Variants in FOXK1 observed in about 807,000 individuals in gnomAD.
FOXK1 encodes forkhead box protein K1.
FOXK1 carries 19 observed loss-of-function variants against 51.9 expected under a neutral mutation model. The ratio of observed to expected loss-of-function variants is 0.37; its 90% confidence interval spans 0.26 to 0.54. The LOEUF (loss-of-function observed/expected upper bound fraction) is 0.54, where lower values mean the gene tolerates loss of function less well. Ranked by LOEUF, FOXK1 falls within the 20% of genes least tolerant of loss-of-function variation. The pLI, the probability that FOXK1 is intolerant of heterozygous loss-of-function variation, is 0.87. For synonymous variants in FOXK1, 537 were observed against 482.6 expected, an observed-to-expected ratio of 1.11 and a Z score of -1.48; for missense variants, 870 against 1,032.7, an observed-to-expected ratio of 0.84 and a Z score of 2.16.
At chr7:4,689,558 C>G (rs1043419390) in intron 1 of FOXK1, among the ~76,000 whole-genome samples, 1 of 152,158 alleles carries the variant, frequency 6.6e-6, no homozygotes, top group African/African-American at 2.4e-5. Context: ...AACCTTGTTA[C>G]GACGTCGCAT....
At chr7:4,713,553 G>A (rs907001475) in intron 1 of FOXK1, among the ~76,000 whole-genome samples, 18 of 151,584 alleles carry the variant, frequency 1.2e-4, no homozygotes, top group African/African-American at 2.7e-4. Context: ...GTGCAGTGGC[G>A]CGATCTCGGC....
At chr7:4,702,691 G>A (rs1267389788) in intron 1 of FOXK1, among the ~76,000 whole-genome samples, 4 of 152,202 alleles carry the variant, frequency 2.6e-5, no homozygotes, top group African/African-American at 9.6e-5. Flanking sequence ...TTGCGTTAGT[G>A]GTGTCGTGAC....
chr7:4,715,682 G>A lies in FOXK1; in HGVS notation c.561-25156G>A, dbSNP rs1396586383. ...CTGTGACTGACTGGCAGGAACCTGG[G>A]CTTGTCAAGTCAGTCTGTAGTGCAC... On this transcript the variant is annotated intron_variant, in intron 1 of 8. Transcript: ENST00000328914. This position sits in a 1 kb window ranked among gnomAD's most constrained non-coding sequence, Gnocchi z 4.5. Among the ~76,000 whole-genome samples, 2 of 152,180 alleles carry A rather than the reference G, an allele frequency of 1.3e-5. No individual in the cohort carries two copies. The highest frequency in any genetic ancestry group is 1.3e-4 in the Admixed American group (2 of 15,280).
In FOXK1 at chr7:4,755,125, C is replaced by T; in HGVS notation, c.904-112C>T. On this transcript the variant is annotated intron_variant, in intron 3 of 8. Transcript: ENST00000328914. The surrounding 1 kb of genome is among the most constrained non-coding windows in gnomAD (Gnocchi z 6.6). Reference sequence around the variant, plus strand: ...TGGAGGGCACTGGGACGGGTGCCGGCAAGACGCGCACATTCTCGTGGGAAG... The same window carrying T: ...TGGAGGGCACTGGGACGGGTGCCGGTAAGACGCGCACATTCTCGTGGGAAG... The T allele has an allele frequency of 1.4e-6, 2 of 1,379,558 alleles. No homozygotes were observed. Among genetic ancestry groups the T allele is most frequent in the Non-Finnish European group, 2.0e-6 (2 of 1,014,470 alleles). 85.5% of individuals were successfully genotyped at this position (1,379,558 alleles called of 1,614,324 possible).
chr7:4,702,334 G>T (rs1780030766), intron 1 of FOXK1, among the ~76,000 whole-genome samples: 1 of 151,766 alleles, frequency 6.6e-6, no homozygotes. Context: ...GTTGTTTGTG[G>T]GGTTTTTTTA....
intron 2 of FOXK1, among the ~76,000 whole-genome samples, chr7:4,744,260 A>G (rs1186911183): frequency 1.3e-5 from 2 of 151,920 alleles, no homozygotes. Context: ...AATACTGTTT[A>G]TTTTTATTTT....
At chr7:4,716,998 C>CAT (rs1780242937) in intron 1 of FOXK1, among the ~76,000 whole-genome samples, 1 of 120,118 alleles carries the variant, frequency 8.3e-6, no homozygotes, top group Admixed American at 8.0e-5. Context: ...CTGGGAGGCG[C>CAT]GTGGCTGGAA....
Position 4,748,943 on chromosome 7 carries a change from C to T in FOXK1, c.747-5516C>T, listed in dbSNP as rs1226503186. Among the ~76,000 whole-genome samples the T allele has an allele frequency of 2.0e-5, 3 of 152,106 alleles. No individual in the cohort carries two copies. The highest frequency in any genetic ancestry group is 6.5e-5 in the Admixed American group (1 of 15,278). ...ATCTGCCCACCTCAGCCTCCCAAAG[C>T]GCTGGGATTACAGGTGTGAGCCACC... On this transcript the variant is annotated intron_variant, in intron 2 of 8. Transcript: ENST00000328914. This position sits in a 1 kb window ranked among gnomAD's most constrained non-coding sequence, Gnocchi z 4.9.
chr7:4,751,836 G>A (rs145003556), intron 2 of FOXK1, among the ~76,000 whole-genome samples: 1,822 of 152,340 alleles, frequency 0.012, 21 homozygotes, highest in Middle Eastern at 0.044. Context: ...GGAAAGTGGC[G>A]GAGAAACCAC....
intron 1 of FOXK1, among the ~76,000 whole-genome samples, chr7:4,721,946 A>C (rs919025861): frequency 6.6e-6 from 1 of 152,204 alleles, no homozygotes; most frequent in African/African-American, 2.4e-5. Context: ...CTCAAATGTA[A>C]ATGCATCCCT....
In FOXK1 at chr7:4,764,306, A is replaced by C. The variant is rs1443518863; in HGVS notation, c.*1842A>C. ...CCTTCCCGTGTCCCGTTGTTTTTCT[A>C]AGCCCCCCGAATTGAGTCGTTTCTA... On this transcript the variant is annotated 3_prime_UTR_variant, in exon 9 of 9. Coordinates refer to ENST00000328914, the MANE Select transcript of FOXK1 (RefSeq NM_001037165.2). The C allele has an allele frequency of 6.5e-6, 1 of 154,330 alleles. No individual in the cohort carries two copies. Among genetic ancestry groups the C allele is most frequent in the Admixed American group, 6.5e-5 (1 of 15,288 alleles). The allele number at this position is 154,330 out of a possible 1,614,324, so 9.6% of individuals were successfully genotyped here. A position where few individuals can be genotyped will look rare whatever the true frequency, so the allele number is the denominator to read the frequency against.
At chr7:4,727,397 C>A (rs914397910) in intron 1 of FOXK1, among the ~76,000 whole-genome samples, 1 of 152,122 alleles carries the variant, frequency 6.6e-6, no homozygotes, top group East Asian at 1.9e-4. Context: ...CTCATTGCAA[C>A]CTTCGCCTCC....
At chr7:4,684,494 G>A (rs1366331010) in intron 1 of FOXK1, among the ~76,000 whole-genome samples, 3 of 152,194 alleles carry the variant, frequency 2.0e-5, no homozygotes, top group African/African-American at 7.2e-5. Flanking sequence ...CGTGCTGAAA[G>A]GTGTGCATTT....
chr7:4,721,784 T>C (rs1232263585), intron 1 of FOXK1, among the ~76,000 whole-genome samples: 1 of 151,904 alleles, frequency 6.6e-6, no homozygotes, highest in African/African-American at 2.4e-5. Flanking sequence ...ATAGACAGAG[T>C]TTCACCGTAT....
At position 4,705,996 on chromosome 7, in the gene FOXK1, A is replaced by G. The variant is rs58744746; in HGVS notation, c.560+23128A>G. 2.5e-3 allele frequency among the ~76,000 whole-genome samples: 244 copies of G among 96,370 alleles called. 5 individuals are homozygous for G. The highest frequency in any genetic ancestry group is 4.8e-3 in the African/African-American group (51 of 10,528). 63.2% of individuals were successfully genotyped at this position (96,370 alleles called of 152,430 possible). A position where few individuals can be genotyped will look rare whatever the true frequency, so the allele number is the denominator to read the frequency against. On this transcript the variant is annotated intron_variant, in intron 1 of 8. Transcript: ENST00000328914. ...TACGTATATATACGTATATATACGT[A>G]TATATACGTATATATACGTATATAT...
At chr7:4,700,428 G>A (rs1034386669) in intron 1 of FOXK1, among the ~76,000 whole-genome samples, 1 of 152,178 alleles carries the variant, frequency 6.6e-6, no homozygotes, top group Non-Finnish European at 1.5e-5. Flanking sequence ...GATTGACCCC[G>A]AGCTCCTGTT....
In FOXK1 at chr7:4,765,190, G is replaced by T. The variant is rs1780994101; in HGVS notation, c.*2726G>T. 1 of 152,456 alleles carries T rather than the reference G, an allele frequency of 6.6e-6. No individual in the cohort carries two copies. Among genetic ancestry groups the T allele is most frequent in the Non-Finnish European group, 1.5e-5 (1 of 68,180 alleles). 9.4% of individuals were successfully genotyped at this position (152,456 alleles called of 1,614,324 possible). A position where few individuals can be genotyped will look rare whatever the true frequency, so the allele number is the denominator to read the frequency against. On this transcript the variant is annotated 3_prime_UTR_variant, in exon 9 of 9. Coordinates refer to ENST00000328914, the MANE Select transcript of FOXK1 (RefSeq NM_001037165.2). ...CACTGCTCTGGGCTCATAACCATGA[G>T]ATTTTGAAAGAGTTTTTGGTCATCT...
In FOXK1 at chr7:4,743,462, C is replaced by T. The variant is rs559392577; in HGVS notation, c.746+2439C>T. On this transcript the variant is annotated intron_variant, in intron 2 of 8. Coordinates refer to ENST00000328914, the MANE Select transcript of FOXK1 (RefSeq NM_001037165.2). The surrounding 1 kb of genome is among the most constrained non-coding windows in gnomAD (Gnocchi z 5.3). The stretch of plus-strand genomic sequence containing the variant: ...CTACTCGGGAGGCTGAGGCAGGAGA[C>T]TGGCTTGAACCCAGGAGGTGAAGGT... Among the ~76,000 whole-genome samples the T allele has an allele frequency of 2.3e-4, 35 of 152,248 alleles. No homozygotes were observed. Among genetic ancestry groups the T allele is most frequent in the African/African-American group, 8.4e-4 (35 of 41,560 alleles).
Position 4,719,040 on chromosome 7 carries a change from C to T in FOXK1, c.561-21798C>T, listed in dbSNP as rs146871377. ...GTCAGTCTGATCTCGAACTCCCAACCTCAGGTGATCCACCCACCTTGGCCT... is the reference window on the plus strand; with the variant it reads ...GTCAGTCTGATCTCGAACTCCCAACTTCAGGTGATCCACCCACCTTGGCCT... On this transcript the variant is annotated intron_variant, in intron 1 of 8. Coordinates refer to ENST00000328914, the MANE Select transcript of FOXK1 (RefSeq NM_001037165.2). Among the ~76,000 whole-genome samples the T allele has an allele frequency of 3.5e-4, 54 of 152,206 alleles. 3 individuals are homozygous for T. The East Asian group carries it at 0.01, about 29-fold the overall frequency.
Sources: allele counts gnomAD v4.1 joint callset (sites outside exome capture counted in the v4.1 genomes callset), GRCh38; gene constraint gnomAD v4.1.1; non-coding constraint Gnocchi (gnomAD v3.1); transcripts MANE v1.5; gene names NCBI Gene and HGNC (gene_info 2026-07-23, HGNC 2026-07-21).